ERCC4: variants seen among roughly 807,000 people sequenced by gnomAD.
The protein encoded by ERCC4 is ERCC excision repair 4, endonuclease catalytic subunit, also known as DNA repair endonuclease XPF.
Under a neutral mutation model 76.9 loss-of-function variants are expected in ERCC4, and 65 were observed. The observed-to-expected ratio is 0.84, with a 90% CI of 0.69 to 1.04. ERCC4 has a LOEUF of 1.04. ERCC4 is among the 50% of genes least tolerant of loss of function. The pLI is 0.00. For synonymous variants in ERCC4, 463 were observed against 410.1 expected, an observed-to-expected ratio of 1.13 and a Z score of -1.56; for missense variants, 1,214 against 1,128.2, an observed-to-expected ratio of 1.08 and a Z score of -1.09.
chr16:13,944,462 G>A (rs997357724), intron 9 of ERCC4, among the ~76,000 whole-genome samples: 1 of 151,960 alleles, frequency 6.6e-6, no homozygotes, highest in Non-Finnish European at 1.5e-5. Flanking sequence ...TGAATATAAA[G>A]TCAAAATAAA....
intron 1 of ERCC4, among the ~76,000 whole-genome samples, chr16:13,921,663 GTTATCA>G (rs2031979182): frequency 6.6e-6 from 1 of 152,198 alleles, no homozygotes; most frequent in Admixed American, 6.5e-5. Context: ...GGATTCCCTT[GTTATCA>G]TCTCATAGAA....
rs754544912 is a variant in ERCC4 at position 13,948,090 on chromosome 16, A to G, written c.2494A>G (p.Thr832Ala). 1.4e-5 allele frequency: 23 copies of G among 1,614,062 alleles called. No homozygotes were observed. Among genetic ancestry groups the G allele is most frequent in the Non-Finnish European group, 1.9e-5 (22 of 1,180,040 alleles). The change falls in exon 11 of 11, where the codon ACA becomes GCA. Residue 832 changes from threonine to alanine, a missense_variant. Transcript: ENST00000311895. ...TGATGCGGCGACAGCACTGGCCATTACAGCAGATTCTGAAACCCTTCCCGA... is the reference window on the plus strand; with the variant it reads ...TGATGCGGCGACAGCACTGGCCATTGCAGCAGATTCTGAAACCCTTCCCGA... ...QPDAATALAI[T>A]ADSETLPESE...
At chr16:13,938,788 C>A (rs1263373623) in intron 9 of ERCC4, among the ~76,000 whole-genome samples, 2 of 152,228 alleles carry the variant, frequency 1.3e-5, no homozygotes, top group Non-Finnish European at 2.9e-5. Context: ...AAATGGATAA[C>A]CATTCTGCAG....
At chr16:13,947,507 T>C in intron 10 of ERCC4, 107 bp from the exon 11 acceptor site, 1 of 1,109,742 alleles carries the variant, frequency 9.0e-7, no homozygotes, top group Non-Finnish European at 1.4e-6. Flanking sequence ...TATAGAATTA[T>C]GTAACCATCC....
chr16:13,942,112 G>A (rs1265292126), intron 9 of ERCC4, among the ~76,000 whole-genome samples: 1 of 152,120 alleles, frequency 6.6e-6, no homozygotes, highest in Non-Finnish European at 1.5e-5. Context: ...AGATACTAAA[G>A]CAAACATAGG....
chr16:13,940,305 C>T (rs3136180), intron 9 of ERCC4, among the ~76,000 whole-genome samples: 766 of 151,748 alleles, frequency 5.0e-3, no homozygotes, highest in Non-Finnish European at 8.5e-3. Context: ...GAGAATCACT[C>T]AAACCCCAGG....
intron 6 of ERCC4, 193 bp downstream of exon 6, chr16:13,932,478 T>G: frequency 1.6e-6 from 1 of 621,574 alleles, no homozygotes; most frequent in Non-Finnish European, 2.8e-6. Flanking sequence ...GTAATGTATG[T>G]CGAAGTATAC....
Position 13,947,920 on chromosome 16 carries a change from T to C in ERCC4, c.2324T>C (p.Leu775Ser). Residue 775 changes from leucine (L) to serine (S), a missense_variant, in exon 11 of 11, where the codon TTG (leucine) becomes TCG (serine). Transcript: ENST00000311895. ...KPFSLTSRGALFQEISSNDIS... is the reference protein window; with the variant it reads ...KPFSLTSRGASFQEISSNDIS... ...TTCTCTCTCACTTCCCGAGGTGCCT[T>C]GTTTCAGGAGATCTCCAGCAATGAC... 5 of 1,614,160 alleles carry C rather than the reference T, an allele frequency of 3.1e-6. No individual in the cohort carries two copies. Among genetic ancestry groups the C allele is most frequent in the Non-Finnish European group, 4.2e-6 (5 of 1,180,016 alleles).
chr16:13,947,014 G>A (rs892991563), intron 10 of ERCC4, among the ~76,000 whole-genome samples: 2 of 152,164 alleles, frequency 1.3e-5, no homozygotes, highest in Middle Eastern at 3.4e-3. Context: ...CGTCCACCTC[G>A]GCCTCCCAAA....
rs184381372 is a variant in ERCC4 at position 13,950,858 on chromosome 16, A to C, written c.*2511A>C. ...GGTCTTCCTAAAGCTACCATTTTCA[A>C]CCGTCCTTGTTATCTAGTACAACAT... is the stretch of plus-strand genomic sequence containing the variant. On this transcript the variant is annotated 3_prime_UTR_variant, in exon 11 of 11. Coordinates refer to ENST00000311895, the MANE Select transcript of ERCC4 (RefSeq NM_005236.3). The C allele has an allele frequency of 5.0e-6, 1 of 199,118 alleles. No individual in the cohort carries two copies. Among genetic ancestry groups the C allele is most frequent in the Non-Finnish European group, 1.0e-5 (1 of 96,310 alleles). 12.3% of individuals were successfully genotyped at this position (199,118 alleles called of 1,614,324 possible).
Position 13,948,528 on chromosome 16 carries a change from T to C in ERCC4, c.*181T>C. On this transcript the variant is annotated 3_prime_UTR_variant, in exon 11 of 11. Transcript: ENST00000311895. ...CTCTGCAGTTAGGCATCACTTGAAC[T>C]TGCCTGTGCCTGCTCTTTTTCCTCC... is the stretch of plus-strand genomic sequence containing the variant. The C allele has an allele frequency of 1.4e-6, 1 of 693,852 alleles. No individual in the cohort carries two copies. The highest frequency in any genetic ancestry group is 2.4e-6 in the Non-Finnish European group (1 of 412,340). 43.0% of individuals were successfully genotyped at this position (693,852 alleles called of 1,614,324 possible). A position where few individuals can be genotyped will look rare whatever the true frequency, so the allele number is the denominator to read the frequency against.
At chr16:13,944,469 TAAAC>T (rs1232330551) in intron 9 of ERCC4, among the ~76,000 whole-genome samples, 2 of 152,034 alleles carry the variant, frequency 1.3e-5, no homozygotes, top group African/African-American at 4.8e-5. Flanking sequence ...AAAGTCAAAA[TAAAC>T]AACTGCTTTT....
intron 9 of ERCC4, among the ~76,000 whole-genome samples, chr16:13,939,829 C>G (rs1375727990): frequency 6.6e-6 from 1 of 152,136 alleles, no homozygotes; most frequent in Non-Finnish European, 1.5e-5. Context: ...GAGATAGAAT[C>G]AAAGAATTGG....
chr16:13,920,380 C>T lies in ERCC4; in HGVS notation c.207+8C>T. 1 of 1,558,834 alleles carries T rather than the reference C, an allele frequency of 6.4e-7. No individual in the cohort carries two copies. Among genetic ancestry groups the T allele is most frequent in the Non-Finnish European group, 8.6e-7 (1 of 1,159,178 alleles). Reference sequence around the variant, plus strand: ...ACGCAGCCGGCCGAGGAGGTGCGGCCGCGCTGGCGCGGGAGTGAGGGGACT... The same window carrying T: ...ACGCAGCCGGCCGAGGAGGTGCGGCTGCGCTGGCGCGGGAGTGAGGGGACT... On this transcript the variant is annotated splice_region_variant and intron_variant, in intron 1 of 10. Transcript: ENST00000311895.
intron 9 of ERCC4, among the ~76,000 whole-genome samples, chr16:13,939,845 C>T (rs1292932257): frequency 2.0e-5 from 3 of 152,154 alleles, no homozygotes; most frequent in Non-Finnish European, 4.4e-5. Context: ...ATTGGTGATA[C>T]TGGATGTGGG....
rs1014631501 is a variant in ERCC4 at position 13,932,279 on chromosome 16, G to A, written c.1096G>A (p.Gly366Arg). 6.2e-7 allele frequency: 1 copy of A among 1,610,500 alleles called. No individual in the cohort carries two copies. Among genetic ancestry groups the A allele is most frequent in the South Asian group, 1.1e-5 (1 of 90,778 alleles). The change falls in exon 6 of 11, where the codon GGG becomes AGG. Residue 366 changes from glycine (G) to arginine (R), a missense_variant. Transcript: ENST00000311895. The part of the protein sequence containing the change: ...KISEKMEIKE[G>R]EETKKELVLE... ...ATCTGAAAAAATGGAAATTAAAGAAGGGGAAGGTATCTTGTGGGGTTAAGT... is the reference window on the plus strand; with the variant it reads ...ATCTGAAAAAATGGAAATTAAAGAAAGGGAAGGTATCTTGTGGGGTTAAGT...
In ERCC4 at chr16:13,937,102, T is replaced by G. The variant is rs1404576346; in HGVS notation, c.1812-664T>G. Reference sequence around the variant, plus strand: ...GCTCAACTAATTTTTTTTTTTTTTTTGTAGAGATGGGGTCTCAGTATATTA... The same window carrying G: ...GCTCAACTAATTTTTTTTTTTTTTTGGTAGAGATGGGGTCTCAGTATATTA... On this transcript the variant is annotated intron_variant, in intron 8 of 10. Transcript: ENST00000311895. Among the ~76,000 whole-genome samples the G allele has an allele frequency of 1.0e-4, 15 of 145,818 alleles. 1 individual carries two copies. The highest frequency in any genetic ancestry group is 9.4e-4 in the Admixed American group (14 of 14,910).
intron 10 of ERCC4, among the ~76,000 whole-genome samples, chr16:13,945,469 G>C (rs1214495645): frequency 2.0e-5 from 3 of 152,170 alleles, no homozygotes; most frequent in African/African-American, 7.2e-5. Flanking sequence ...GCCAGCAGCT[G>C]ATTTCAGCCA....
chr16:13,937,932 C>T, intron 9 of ERCC4, 74 bp downstream of exon 9: 1 of 946,012 alleles, frequency 1.1e-6, no homozygotes, highest in Non-Finnish European at 1.7e-6. Flanking sequence ...TCAGATAGTC[C>T]TGCTCAGGAA....
Sources: allele counts gnomAD v4.1 joint callset (sites outside exome capture counted in the v4.1 genomes callset), GRCh38; gene constraint gnomAD v4.1.1; transcripts MANE v1.5; gene names NCBI Gene and HGNC (gene_info 2026-07-23, HGNC 2026-07-21).